ARHGAP27: variants seen among roughly 807,000 people sequenced by gnomAD.
The protein encoded by ARHGAP27 is rho GTPase-activating protein 27.
ARHGAP27 carries 53 observed loss-of-function variants against 102.0 expected under a neutral mutation model. The observed-to-expected ratio is 0.52, with a 90% CI of 0.42 to 0.65. The LOEUF (loss-of-function observed/expected upper bound fraction) is 0.65. ARHGAP27 is among the 30% of genes least tolerant of loss of function. ARHGAP27 has a pLI of 0.00. For synonymous variants in ARHGAP27, 525 were observed against 542.8 expected (o/e 0.97, Z 0.46); for missense variants, 1,117 against 1,256.2 (o/e 0.89, Z 1.68).
chr17:45,424,962 CA>C (rs2049417346), intron 4 of ARHGAP27, among the ~76,000 whole-genome samples: 1 of 147,274 alleles, frequency 6.8e-6, no homozygotes, highest in East Asian at 2.0e-4. Flanking sequence ...GAGCCAGGCA[CA>C]GGCTCCAGCG....
chr17:45,411,769 C>T (rs1468669307), intron 4 of ARHGAP27, among the ~76,000 whole-genome samples: 3 of 151,860 alleles, frequency 2.0e-5, no homozygotes, highest in African/African-American at 7.3e-5. Flanking sequence ...TCTCTCTGTC[C>T]CCACCCTGAG....
intron 4 of ARHGAP27, among the ~76,000 whole-genome samples, chr17:45,413,636 C>T (rs750239576): frequency 8.2e-4 from 124 of 151,844 alleles, no homozygotes; most frequent in Non-Finnish European, 1.5e-3. Context: ...TGGGTGCCCT[C>T]GGCTCTGGAC....
chr17:45,399,582 ACT>A, intron 12 of ARHGAP27, among the ~76,000 whole-genome samples: 1 of 149,928 alleles, frequency 6.7e-6, no homozygotes, highest in Middle Eastern at 3.4e-3. Context: ...ACAGAGCAAC[ACT>A]CTGTCTCAAA....
chr17:45,417,873 GA>G (rs2048627815), intron 4 of ARHGAP27, among the ~76,000 whole-genome samples: 1 of 152,004 alleles, frequency 6.6e-6, no homozygotes, highest in African/African-American at 2.4e-5. Flanking sequence ...CTAACACGGT[GA>G]AACCCCGTCT....
intron 4 of ARHGAP27, among the ~76,000 whole-genome samples, chr17:45,426,237 C>T (rs1320149460): frequency 6.6e-6 from 1 of 152,100 alleles, no homozygotes; most frequent in Admixed American, 6.5e-5. Context: ...CCTCTCTGAA[C>T]CTCTGTTTGT....
At chr17:45,423,270 C>T (rs2049222575) in intron 4 of ARHGAP27, among the ~76,000 whole-genome samples, 1 of 152,050 alleles carries the variant, frequency 6.6e-6, no homozygotes, top group South Asian at 2.1e-4. Context: ...CAAAGAAATT[C>T]ATAATAAATT....
chr17:45,415,026 G>C, intron 4 of ARHGAP27, among the ~76,000 whole-genome samples: 1 of 142,604 alleles, frequency 7.0e-6, no homozygotes, highest in Admixed American at 7.2e-5. Context: ...TCACACCATT[G>C]CTCTCTAGCC....
chr17:45,415,629 C>T (rs1423824002), intron 4 of ARHGAP27, among the ~76,000 whole-genome samples: 2 of 152,214 alleles, frequency 1.3e-5, no homozygotes, highest in African/African-American at 4.8e-5. Flanking sequence ...ATCCTTGCCT[C>T]CTGCTGGCTT....
chr17:45,417,980 G>A (rs1420797849), intron 4 of ARHGAP27, among the ~76,000 whole-genome samples: 1 of 150,168 alleles, frequency 6.7e-6, no homozygotes, highest in African/African-American at 2.5e-5. Context: ...CGTGAACTCG[G>A]GAGCGGAGAT....
intron 4 of ARHGAP27, among the ~76,000 whole-genome samples, chr17:45,426,425 C>T (rs1287789887): frequency 1.3e-5 from 2 of 152,066 alleles, no homozygotes; most frequent in Non-Finnish European, 2.9e-5. Context: ...GCTCAATATG[C>T]GCGATTAGAG....
chr17:45,419,248 T>C (rs2048780511), intron 4 of ARHGAP27, among the ~76,000 whole-genome samples: 2 of 151,906 alleles, frequency 1.3e-5, no homozygotes, highest in South Asian at 2.1e-4. Context: ...AGTATATAAG[T>C]AAGGGAGGGT....
At chr17:45,404,778 T>G in intron 6 of ARHGAP27, 97 bp from the exon 7 acceptor site, 1 of 1,505,488 alleles carries the variant, frequency 6.6e-7, no homozygotes, top group African/African-American at 1.4e-5. Flanking sequence ...CCAGGGAGTC[T>G]GGAGGGGCAG....
chr17:45,424,874 G>T (rs893648439), intron 4 of ARHGAP27, among the ~76,000 whole-genome samples: 1 of 152,348 alleles, frequency 6.6e-6, no homozygotes, highest in South Asian at 2.1e-4. Flanking sequence ...TGGGAAGAAA[G>T]TGAGGGGGCA....
At chr17:45,420,937 CAAGACTCCATCTCA>C (rs1309135952) in intron 4 of ARHGAP27, among the ~76,000 whole-genome samples, 3 of 74,896 alleles carry the variant, frequency 4.0e-5, no homozygotes, top group Non-Finnish European at 7.3e-5. Context: ...GGCGACAGAG[CAAGACTCCATCTCA>C]AAAAAAAAAA....
intron 12 of ARHGAP27, 105 bp downstream of exon 12, chr17:45,402,609 A>C (rs886643301): frequency 9.5e-6 from 10 of 1,052,620 alleles, no homozygotes; most frequent in Non-Finnish European, 1.4e-5. Context: ...CTCATAGGGA[A>C]TTAAGGGTCA....
rs561608824 is a variant in ARHGAP27, at chr17:45,406,890, C to A, written c.658-807G>T. Among the ~76,000 whole-genome samples the A allele has an allele frequency of 7.9e-5, 12 of 152,274 alleles. No homozygotes were observed. The East Asian group carries it at 2.1e-3, about 27-fold the overall frequency. ...AGGTGAAGTTTGCAGGTGTCAGAACCAATTCCAGACAAGAGAGGGAGACAG... is the reference window on the plus strand; with the variant it reads ...AGGTGAAGTTTGCAGGTGTCAGAACAAATTCCAGACAAGAGAGGGAGACAG... On this transcript the variant is annotated intron_variant, in intron 4 of 19. Transcript: ENST00000685559.
chr17:45,405,616 C>T (rs1242376513), intron 5 of ARHGAP27, 60 bp downstream of exon 5: 1 of 1,515,412 alleles, frequency 6.6e-7, no homozygotes, highest in South Asian at 1.3e-5. Flanking sequence ...CCTCTGGGAG[C>T]AGGAGGCGGG....
At chr17:45,404,003 C>T (rs371217619) in intron 10 of ARHGAP27, 26 bp downstream of exon 10, 472 of 1,612,908 alleles carry the variant, frequency 2.9e-4, no homozygotes, top group Non-Finnish European at 3.8e-4. Context: ...CACCCTGCCC[C>T]GGCCTGAGTG....
rs1276722366 is a variant in ARHGAP27, at chr17:45,429,678, A to G, written c.602T>C (p.Val201Ala). ...GTGCAAGTCCTGGATGACCTCGTAG[A>G]CGTTCTCTGAGTCGCTGCGCGCCAG... ...RPLARSDSEN[V>A]YEVIQDLHVP... The change falls in exon 4 of 20, where the codon GTC becomes GCC. Residue 201 changes from valine to alanine, a missense_variant. By Grantham distance (64) the Val-to-Ala change is moderately conservative (BLOSUM62 0). Around this residue, in one of 3 missense-constraint regions of ARHGAP27, gnomAD observed 610 missense variants for 716.4 expected, o/e 0.85. Transcript: ENST00000685559. 4.4e-6 allele frequency: 7 copies of G among 1,576,352 alleles called. No individual in the cohort carries two copies. The highest frequency in any genetic ancestry group is 6.0e-6 in the Non-Finnish European group (7 of 1,160,836).
Sources: allele counts gnomAD v4.1 joint callset (sites outside exome capture counted in the v4.1 genomes callset), GRCh38; gene constraint gnomAD v4.1.1; regional missense constraint gnomAD v4.1.1; transcripts MANE v1.5; gene names NCBI Gene and HGNC (gene_info 2026-07-23, HGNC 2026-07-21).